LRRTM4: variants seen among roughly 807,000 people sequenced by gnomAD.
The protein encoded by LRRTM4 is leucine rich repeat transmembrane neuronal 4, also known as leucine-rich repeat transmembrane neuronal protein 4.
LRRTM4 carries 25 observed loss-of-function variants against 47.6 expected under a neutral mutation model. That is an observed-to-expected ratio of 0.53 (90% CI 0.38 to 0.73). LRRTM4 has a LOEUF of 0.73. LRRTM4 is among the 30% of genes least tolerant of loss of function. The probability of loss-of-function intolerance (pLI) is 0.00; values close to 1 mark genes in which losing one functional copy is unlikely to be tolerated. For missense variants in LRRTM4, 638 were observed against 713.4 expected, an observed-to-expected ratio of 0.89 and a Z score of 1.20; for synonymous variants, 311 against 269.5, an observed-to-expected ratio of 1.15 and a Z score of -1.51.
At chr2:76,792,370 G>A (rs1022232971) in intron 3 of LRRTM4, among the ~76,000 whole-genome samples, 1 of 152,034 alleles carries the variant, frequency 6.6e-6, no homozygotes, top group African/African-American at 2.4e-5. Flanking sequence ...GGAGGAAAGT[G>A]GTTATAGAAG....
In LRRTM4 at chr2:77,397,493, T is replaced by C. The variant is rs541592945; in HGVS notation, c.1551+120825A>G. On this transcript the variant is annotated intron_variant, in intron 3 of 3. Coordinates refer to ENST00000409884, the MANE Select transcript of LRRTM4 (RefSeq NM_001134745.3). The stretch of plus-strand genomic sequence containing the variant: ...AGGTGATTATGACCTGGTCAAATTA[T>C]TTATAATCTCTAAAAAGTAATTTAT... Among the ~76,000 whole-genome samples the C allele has an allele frequency of 2.9e-4, 44 of 151,950 alleles. 1 individual carries two copies. In the South Asian group the frequency reaches 8.5e-3, roughly 29 times the overall value.
chr2:77,457,593 T>C (rs1676611428), intron 3 of LRRTM4, among the ~76,000 whole-genome samples: 1 of 150,536 alleles, frequency 6.6e-6, no homozygotes, highest in African/African-American at 2.5e-5. Flanking sequence ...CACTGCCATT[T>C]ACAAAAAAAA....
intron 3 of LRRTM4, among the ~76,000 whole-genome samples, chr2:77,133,701 A>G (rs78002109): frequency 0.026 from 3,888 of 152,274 alleles, 172 homozygotes; most frequent in African/African-American, 0.087. Flanking sequence ...ATATACATAC[A>G]ACCTGGTTCT....
chr2:77,024,262 G>A (rs1035806404), intron 3 of LRRTM4, among the ~76,000 whole-genome samples: 1 of 152,078 alleles, frequency 6.6e-6, no homozygotes, highest in African/African-American at 2.4e-5. Context: ...ATATCACCAT[G>A]GTAACCACTG....
chr2:76,832,988 G>A (rs1315246779), intron 3 of LRRTM4, among the ~76,000 whole-genome samples: 1 of 151,962 alleles, frequency 6.6e-6, no homozygotes, highest in Non-Finnish European at 1.5e-5. Context: ...TGCACTATTA[G>A]CAAAACTGGA....
At chr2:77,408,496 C>T (rs1674297138) in intron 3 of LRRTM4, among the ~76,000 whole-genome samples, 1 of 152,156 alleles carries the variant, frequency 6.6e-6, no homozygotes, top group African/African-American at 2.4e-5. Context: ...GAATTTAACT[C>T]CTTAAGAAAT....
chr2:77,166,513 C>T (rs188941407), intron 3 of LRRTM4, among the ~76,000 whole-genome samples: 2 of 152,134 alleles, frequency 1.3e-5, no homozygotes, highest in Non-Finnish European at 2.9e-5. Flanking sequence ...TACTAAGCCA[C>T]AAGAACAAAG....
At chr2:76,975,608 C>A (rs1406411434) in intron 3 of LRRTM4, among the ~76,000 whole-genome samples, 2 of 151,630 alleles carry the variant, frequency 1.3e-5, no homozygotes, top group African/African-American at 4.8e-5. Flanking sequence ...AATAATCATA[C>A]CTCCAACAGC....
intron 3 of LRRTM4, among the ~76,000 whole-genome samples, chr2:77,430,968 T>A (rs112518589): frequency 4.7e-5 from 7 of 148,702 alleles, no homozygotes; most frequent in Non-Finnish European, 8.8e-5. Flanking sequence ...GGACACCTTT[T>A]CTTTCTCCAG....
At chr2:76,896,581 A>T (rs527729983) in intron 3 of LRRTM4, among the ~76,000 whole-genome samples, 2 of 152,120 alleles carry the variant, frequency 1.3e-5, no homozygotes, top group East Asian at 3.9e-4. Flanking sequence ...TATGGTTCAA[A>T]GTTACAGGCT....
intron 3 of LRRTM4, among the ~76,000 whole-genome samples, chr2:76,773,200 G>A (rs1328957783): frequency 6.6e-6 from 1 of 152,208 alleles, no homozygotes; most frequent in Non-Finnish European, 1.5e-5. Context: ...TCTGGGGAAT[G>A]ATAGGAGCCT....
At chr2:76,920,969 C>A (rs1182434532) in intron 3 of LRRTM4, among the ~76,000 whole-genome samples, 2 of 152,046 alleles carry the variant, frequency 1.3e-5, no homozygotes, top group African/African-American at 4.8e-5. Context: ...TACCCCTCAC[C>A]CTGTTTCTCC....
chr2:77,309,700 TAGATA>T (rs1214435368), intron 3 of LRRTM4, among the ~76,000 whole-genome samples: 7 of 150,990 alleles, frequency 4.6e-5, no homozygotes, highest in East Asian at 1.9e-4. Context: ...GATAGATAGA[TAGATA>T]GATAGATAGA....
At chr2:76,854,529 C>T (rs1359491005) in intron 3 of LRRTM4, among the ~76,000 whole-genome samples, 1 of 151,892 alleles carries the variant, frequency 6.6e-6, no homozygotes, top group African/African-American at 2.4e-5. Flanking sequence ...TCTCTGAGGG[C>T]AAAAAACAAA....
chr2:76,834,504 T>A (rs1051779821), intron 3 of LRRTM4, among the ~76,000 whole-genome samples: 7 of 152,026 alleles, frequency 4.6e-5, no homozygotes, highest in Admixed American at 4.6e-4. Context: ...TAAGTACAAT[T>A]AGAAGTGTCT....
chr2:77,358,120 A>T (rs573202418), intron 3 of LRRTM4, among the ~76,000 whole-genome samples: 2 of 152,206 alleles, frequency 1.3e-5, no homozygotes, highest in South Asian at 4.1e-4. Context: ...TATATTTTTA[A>T]TAGTATAAAT....
chr2:76,981,815 TAAGA>T (rs893836346), intron 3 of LRRTM4, among the ~76,000 whole-genome samples: 15 of 151,868 alleles, frequency 9.9e-5, no homozygotes, highest in Non-Finnish European at 1.9e-4. Flanking sequence ...TTAAATCTAT[TAAGA>T]AATAGTCTAG....
At chr2:77,085,363 A>G (rs1680675419) in intron 3 of LRRTM4, among the ~76,000 whole-genome samples, 1 of 147,948 alleles carries the variant, frequency 6.8e-6, no homozygotes, top group South Asian at 2.1e-4. Context: ...AATACATTCA[A>G]CTGGCAATCC....
chr2:76,750,172 A>C (rs1427266366), intron 3 of LRRTM4, among the ~76,000 whole-genome samples: 1 of 152,180 alleles, frequency 6.6e-6, no homozygotes, highest in Non-Finnish European at 1.5e-5. Context: ...CATTCTGGCT[A>C]TATCAATTTA....
Sources: allele counts gnomAD v4.1 joint callset (sites outside exome capture counted in the v4.1 genomes callset), GRCh38; gene constraint gnomAD v4.1.1; transcripts MANE v1.5; gene names NCBI Gene and HGNC (gene_info 2026-07-23, HGNC 2026-07-21).